LRRC71: variants seen among roughly 807,000 people sequenced by gnomAD.
The protein encoded by LRRC71 is leucine rich repeat containing 71, also known as leucine-rich repeat-containing protein 71.
Under a neutral mutation model 66.6 loss-of-function variants are expected in LRRC71, and 54 were observed. The observed-to-expected ratio is 0.81, with a 90% CI of 0.65 to 1.02. The LOEUF is 1.02. Among genes scored for constraint, LRRC71 ranks in the 50% least tolerant of loss-of-function variants. The probability of loss-of-function intolerance (pLI) is 0.00; values close to 1 mark genes in which losing one functional copy is unlikely to be tolerated. For synonymous variants in LRRC71, 323 were observed against 303.9 expected, an observed-to-expected ratio of 1.06 and a Z score of -0.65; for missense variants, 724 against 718.0, an observed-to-expected ratio of 1.01 and a Z score of -0.10.
At chr1:156,938,684 A>G in the LRRC71 span, 1 of 545,086 alleles carries the variant, frequency 1.8e-6, no homozygotes, top group Non-Finnish European at 3.2e-6. Flanking sequence ...CAGTGCAGAG[A>G]ACTTTCCACC....
intron 14 of LRRC71, 117 bp from the exon 15 acceptor site, chr1:156,932,735 CT>C: frequency 6.7e-7 from 1 of 1,502,184 alleles, no homozygotes; most frequent in Non-Finnish European, 9.2e-7. Context: ...AATCACTCTG[CT>C]TTTTCTGCAT....
intron 1 of LRRC71, chr1:156,921,625 T>C: frequency 1.0e-6 from 1 of 984,176 alleles, no homozygotes; most frequent in Non-Finnish European, 1.2e-6. Context: ...GGAGAAGGAA[T>C]TATAGGAGCT....
chr1:156,937,025 AATGT>A (rs1242613244), downstream of LRRC71: 1 of 1,608,362 alleles, frequency 6.2e-7, no homozygotes, highest in South Asian at 1.1e-5. Flanking sequence ...TCGGCGGGGG[AATGT>A]CTGCTCGAGT....
chr1:156,921,029 A>G, intron 1 of LRRC71, 66 bp downstream of exon 1: 1 of 1,435,568 alleles, frequency 7.0e-7, no homozygotes, highest in South Asian at 1.5e-5. Context: ...CCCACTAGCT[A>G]CTCACTGCTC....
chr1:156,931,138 A>C (rs1411671784), intron 12 of LRRC71, among the ~76,000 whole-genome samples: 1 of 152,070 alleles, frequency 6.6e-6, no homozygotes, highest in Non-Finnish European at 1.5e-5. Flanking sequence ...TACAACCTGG[A>C]CCAACTTGCT....
At chr1:156,928,313 C>T (rs1425102766) in intron 9 of LRRC71, among the ~76,000 whole-genome samples, 1 of 150,368 alleles carries the variant, frequency 6.7e-6, no homozygotes, top group Non-Finnish European at 1.5e-5. Flanking sequence ...TACTAAACAA[C>T]TTCTTCTTCT....
downstream of LRRC71, among the ~76,000 whole-genome samples, chr1:156,933,258 T>G (rs1654648850): frequency 6.6e-6 from 1 of 152,246 alleles, no homozygotes; most frequent in Non-Finnish European, 1.5e-5. Context: ...CCGTTCTGCC[T>G]CCTGGGGGCT....
In LRRC71 at chr1:156,932,492, A is replaced by T. The variant is rs551376870; in HGVS notation, c.1510A>T (p.Lys504Ter). 1 of 1,613,944 alleles carries T rather than the reference A, an allele frequency of 6.2e-7. No individual in the cohort carries two copies. Among genetic ancestry groups the T allele is most frequent in the South Asian group, 1.1e-5 (1 of 91,072 alleles). The change falls in exon 14 of 15, where the codon AAG becomes TAG. Residue 504 changes from lysine to a stop codon, truncating the protein, a stop_gained. Coordinates refer to ENST00000337428, the MANE Select transcript of LRRC71 (RefSeq NM_144702.3). LOFTEE classifies it high-confidence loss of function. ...GGTGCAGTATCAGATGCAGTTCTCC[A>T]AGGCCAAGAGTGCATCCAAGGGTCC... ...ATVQYQMQFS[K>*]AKSASKGPVG...
downstream of LRRC71, among the ~76,000 whole-genome samples, chr1:156,936,619 G>A (rs1411112015): frequency 6.6e-6 from 1 of 150,378 alleles, no homozygotes; most frequent in Non-Finnish European, 1.5e-5. Flanking sequence ...TCAGTGCTAA[G>A]CTCCCCATTT....
intron 5 of LRRC71, among the ~76,000 whole-genome samples, chr1:156,926,589 T>C (rs575580064): frequency 9.9e-4 from 140 of 140,888 alleles, no homozygotes; most frequent in African/African-American, 3.6e-3. Context: ...TTCTTTTTTT[T>C]TTGGAGACAG....
At chr1:156,940,154 C>T in the LRRC71 span, 4 of 1,516,566 alleles carry the variant, frequency 2.6e-6, no homozygotes, top group African/African-American at 5.5e-5. Flanking sequence ...CCAGTTCACA[C>T]TGGGTGTGCG....
downstream of LRRC71, chr1:156,935,180 A>T (rs1654843418): frequency 6.6e-6 from 1 of 152,440 alleles, no homozygotes; most frequent in Non-Finnish European, 1.5e-5. Flanking sequence ...TTCTACAGGG[A>T]CAGGGTGGGG....
At position 156,933,013 on chromosome 1, in the gene LRRC71, C is replaced by G; in HGVS notation, c.*44C>G. The G allele has an allele frequency of 7.0e-7, 1 of 1,429,766 alleles. No individual in the cohort carries two copies. The highest frequency in any genetic ancestry group is 9.6e-7 in the Non-Finnish European group (1 of 1,039,556). The allele number at this position is 1,429,766 out of a possible 1,614,324, so 88.6% of individuals were successfully genotyped here. A position where few individuals can be genotyped will look rare whatever the true frequency, so the allele number is the denominator to read the frequency against. Reference sequence around the variant, plus strand: ...CCTCTAAGACTCGGGGCTACAGAAGCACCTCCTGTCCCTGTGTGGGGTGAC... The same window carrying G: ...CCTCTAAGACTCGGGGCTACAGAAGGACCTCCTGTCCCTGTGTGGGGTGAC... On this transcript the variant is annotated 3_prime_UTR_variant, in exon 15 of 15. Coordinates refer to ENST00000337428, the MANE Select transcript of LRRC71 (RefSeq NM_144702.3).
chr1:156,925,051 C>G (rs1386576662), intron 5 of LRRC71, 36 bp downstream of exon 5: 2 of 1,547,404 alleles, frequency 1.3e-6, no homozygotes, highest in South Asian at 2.4e-5. Context: ...GCCTGGGAAG[C>G]CTGGCTGGGC....
Position 156,924,818 on chromosome 1 carries a change from G to C in LRRC71, c.515+100G>C, listed in dbSNP as rs1462867441. On this transcript the variant is annotated intron_variant, in intron 4 of 14. Coordinates refer to ENST00000337428, the MANE Select transcript of LRRC71 (RefSeq NM_144702.3). Reference sequence around the variant, plus strand: ...AAGGGGCATGGGAGACCCTGGCGACGGTGGGGAGGTCGGGGGTGGGGGATG... The same window carrying C: ...AAGGGGCATGGGAGACCCTGGCGACCGTGGGGAGGTCGGGGGTGGGGGATG... 13 of 1,502,678 alleles carry C rather than the reference G, an allele frequency of 8.7e-6. No individual in the cohort carries two copies. The Admixed American group carries it at 2.4e-4, about 27-fold the overall frequency. The allele number at this position is 1,502,678 out of a possible 1,614,324, so 93.1% of individuals were successfully genotyped here. A position where few individuals can be genotyped will look rare whatever the true frequency, so the allele number is the denominator to read the frequency against.
the LRRC71 span, chr1:156,939,497 T>G: frequency 6.2e-7 from 1 of 1,600,836 alleles, no homozygotes. Context: ...AAGACTTATC[T>G]CACCTAGCAA....
At chr1:156,929,895 G>A (rs1340149258) in intron 11 of LRRC71, among the ~76,000 whole-genome samples, 166 bp downstream of exon 11, 1 of 152,112 alleles carries the variant, frequency 6.6e-6, no homozygotes, top group African/African-American at 2.4e-5. Flanking sequence ...GTGGAGAGCC[G>A]CATCCAGCCC....
chr1:156,924,751 A>G, intron 4 of LRRC71, 33 bp downstream of exon 4: 1 of 1,549,008 alleles, frequency 6.5e-7, no homozygotes. Flanking sequence ...GCGGGGGACC[A>G]GAGTGGGAGT....
At chr1:156,938,336 A>C in the LRRC71 span, 11 of 1,319,950 alleles carry the variant, frequency 8.3e-6, no homozygotes, top group South Asian at 1.5e-4. Flanking sequence ...GTGTGTGACC[A>C]TGGGCAGGGG....
Sources: gnomAD v4.1 joint callset for allele counts (sites outside exome capture counted in the v4.1 genomes callset) on GRCh38, gnomAD v4.1.1 for gene constraint, MANE v1.5 for transcripts, NCBI Gene and HGNC (gene_info 2026-07-23, HGNC 2026-07-21) for gene names.